Variants in PHF20 observed in about 807,000 individuals in gnomAD.
The protein encoded by PHF20 is glioma-expressed antigen 2.
Under a neutral mutation model 113.5 loss-of-function variants are expected in PHF20, and 23 were observed. The observed-to-expected ratio is 0.20, with a 90% CI of 0.15 to 0.29. PHF20 has a LOEUF of 0.29. Among genes scored for constraint, PHF20 ranks in the 10% least tolerant of loss-of-function variants. The probability of loss-of-function intolerance (pLI) is 1.00; values close to 1 mark genes in which losing one functional copy is unlikely to be tolerated. For missense variants in PHF20, 943 were observed against 1,219.6 expected, an observed-to-expected ratio of 0.77 and a Z score of 3.38; for synonymous variants, 434 against 457.3, an observed-to-expected ratio of 0.95 and a Z score of 0.65.
chr20:35,922,681 T>A (rs1156318674), intron 13 of PHF20, among the ~76,000 whole-genome samples: 6 of 152,390 alleles, frequency 3.9e-5, no homozygotes, highest in South Asian at 4.1e-4. Flanking sequence ...ATTTAAATTA[T>A]TTTAATCGCT....
intron 2 of PHF20, chr20:35,838,216 T>C (rs2146930820): frequency 6.6e-6 from 1 of 152,362 alleles, no homozygotes; most frequent in South Asian, 2.1e-4. Context: ...TTGCCAACTT[T>C]TAATTTTGCC....
intron 10 of PHF20, among the ~76,000 whole-genome samples, 196 bp downstream of exon 10, chr20:35,899,844 A>G (rs2055061899): frequency 6.6e-6 from 1 of 152,152 alleles, no homozygotes; most frequent in African/African-American, 2.4e-5. Context: ...CACCTAACTG[A>G]GAATTACCTT....
In PHF20 at chr20:35,843,802, C is replaced by T. The variant is rs554345596; in HGVS notation, c.255+1058C>T. ...TATTGTTGCCCAGGCTGGTCTTGAA[C>T]TCCGGGCTCAAGTGATCCTCCCGCC... is the stretch of plus-strand genomic sequence containing the variant. On this transcript the variant is annotated intron_variant, in intron 3 of 17. Transcript: ENST00000374012. Among the ~76,000 whole-genome samples, 4 of 152,164 alleles carry T rather than the reference C, an allele frequency of 2.6e-5. No individual in the cohort carries two copies. The East Asian group carries it at 5.8e-4, about 22-fold the overall frequency.
intron 9 of PHF20, among the ~76,000 whole-genome samples, chr20:35,893,739 C>T (rs1446321772): frequency 6.6e-6 from 1 of 152,058 alleles, no homozygotes; most frequent in African/African-American, 2.4e-5. Flanking sequence ...CTCAGCCCCC[C>T]GAGTAGCTGG....
chr20:35,940,818 C>T (rs751265647), intron 16 of PHF20, 46 bp from the exon 17 acceptor site: 29 of 1,518,848 alleles, frequency 1.9e-5, no homozygotes, highest in Non-Finnish European at 2.3e-5. Flanking sequence ...AAAAATGGGC[C>T]AGGGGCTATC....
intron 5 of PHF20, 86 bp from the exon 6 acceptor site, chr20:35,862,927 T>C (rs2054243495): frequency 7.4e-7 from 1 of 1,342,804 alleles, no homozygotes; most frequent in Admixed American, 2.3e-5. Context: ...AATTTCTTTG[T>C]TTGTCTTCAT....
chr20:35,781,649 A>G (rs1487867436), intron 1 of PHF20, among the ~76,000 whole-genome samples: 1 of 152,128 alleles, frequency 6.6e-6, no homozygotes, highest in East Asian at 1.9e-4. Context: ...TAACTCCTCA[A>G]AATTGAAACT....
rs118077118 is a variant in PHF20 at position 35,863,514 on chromosome 20, A to C, written c.808+114A>C. On this transcript the variant is annotated intron_variant, in intron 6 of 17. Coordinates refer to ENST00000374012, the MANE Select transcript of PHF20 (RefSeq NM_016436.5). ...TCGTTTATTTTTGTGACTGATTTTG[A>C]ATTGTCTTATGATCTGGAAACAAGT... The C allele has an allele frequency of 2.0e-4, 219 of 1,108,534 alleles. 1 individual carries two copies. In the East Asian group the frequency reaches 5.0e-3, roughly 25 times the overall value. The allele number at this position is 1,108,534 out of a possible 1,614,324, so 68.7% of individuals were successfully genotyped here. A position where few individuals can be genotyped will look rare whatever the true frequency, so the allele number is the denominator to read the frequency against.
At chr20:35,884,030 A>C (rs1341530324) in intron 9 of PHF20, among the ~76,000 whole-genome samples, 2 of 152,102 alleles carry the variant, frequency 1.3e-5, no homozygotes, top group Non-Finnish European at 2.9e-5. Flanking sequence ...AAATGTCTTG[A>C]TCTGGAAACT....
intron 4 of PHF20, among the ~76,000 whole-genome samples, chr20:35,854,060 G>C (rs1055477781): frequency 6.6e-6 from 1 of 152,074 alleles, no homozygotes; most frequent in Non-Finnish European, 1.5e-5. Flanking sequence ...GGCCGATGAA[G>C]ACCCTGTTTC....
chr20:35,799,860 T>C (rs946506971), intron 1 of PHF20, among the ~76,000 whole-genome samples: 3 of 152,034 alleles, frequency 2.0e-5, no homozygotes, highest in Admixed American at 1.3e-4. Context: ...AGAGATGGGG[T>C]TTCACCATGT....
chr20:35,928,141 TA>T (rs972272701), intron 14 of PHF20, among the ~76,000 whole-genome samples: 3 of 151,804 alleles, frequency 2.0e-5, no homozygotes, highest in East Asian at 3.9e-4. Context: ...AATTATGGTT[TA>T]AAAAAAATGC....
chr20:35,878,885 C>T (rs1342115544), intron 9 of PHF20, among the ~76,000 whole-genome samples: 2 of 152,184 alleles, frequency 1.3e-5, no homozygotes, highest in African/African-American at 4.8e-5. Flanking sequence ...TTCTTGCAGG[C>T]TTGATTTGCC....
chr20:35,840,260 G>A (rs147530983), intron 2 of PHF20, among the ~76,000 whole-genome samples: 5 of 152,152 alleles, frequency 3.3e-5, no homozygotes, highest in East Asian at 1.9e-4. Flanking sequence ...ATTTTTAACC[G>A]TTTATTTTTT....
At chr20:35,790,828 G>C (rs2041530107) in intron 1 of PHF20, among the ~76,000 whole-genome samples, 1 of 152,128 alleles carries the variant, frequency 6.6e-6, no homozygotes, top group Non-Finnish European at 1.5e-5. Flanking sequence ...ATATGGTTCT[G>C]TAGGGGAGCC....
chr20:35,856,346 T>C (rs963324674), intron 4 of PHF20: 4 of 152,236 alleles, frequency 2.6e-5, no homozygotes, highest in African/African-American at 7.2e-5. Context: ...TCTTGGACTT[T>C]GGTGTACATC....
chr20:35,885,467 C>CTTTTTTTTTTTT lies in PHF20; in HGVS notation c.1282+13660_1282+13671dup, dbSNP rs577878410. On this transcript the variant is annotated intron_variant, in intron 9 of 17. Coordinates refer to ENST00000374012, the MANE Select transcript of PHF20 (RefSeq NM_016436.5). ...CTGGAGTGGGGGACAGGGGAATAAG[C>CTTTTTTTTTTTT]TTTTTTTTTTTTTTTTTTTTTTTTT... Among the ~76,000 whole-genome samples the CTTTTTTTTTTTT allele has an allele frequency of 2.7e-3, 96 of 35,702 alleles. 3 individuals carry two copies. Among genetic ancestry groups the CTTTTTTTTTTTT allele is most frequent in the African/African-American group, 8.4e-3 (77 of 9,210 alleles). 23.4% of individuals were successfully genotyped at this position (35,702 alleles called of 152,430 possible).
intron 16 of PHF20, 124 bp from the exon 17 acceptor site, chr20:35,940,740 G>A: frequency 1.2e-6 from 1 of 809,594 alleles, no homozygotes; most frequent in Non-Finnish European, 2.0e-6. Context: ...AATAGGAAAG[G>A]GAGGTAGGGA....
intron 9 of PHF20, among the ~76,000 whole-genome samples, chr20:35,880,285 CTAGCACAGCATGACCA>C (rs1401479645): frequency 6.6e-6 from 1 of 152,152 alleles, no homozygotes; most frequent in African/African-American, 2.4e-5. Context: ...GGCAAAGCAG[CTAGCACAGCATGACCA>C]TAGGGCGATT....
Sources: allele counts gnomAD v4.1 joint callset (sites outside exome capture counted in the v4.1 genomes callset), GRCh38; gene constraint gnomAD v4.1.1; transcripts MANE v1.5; gene names NCBI Gene and HGNC (gene_info 2026-07-23, HGNC 2026-07-21).